The following EBF1 variants were observed in gnomAD, a reference collection of about 807,000 sequenced individuals.
EBF1 encodes EBF transcription factor 1, also known as transcription factor COE1.
EBF1 carries 10 observed loss-of-function variants against 68.4 expected under a neutral mutation model. The ratio of observed to expected loss-of-function variants is 0.15; its 90% CI spans 0.09 to 0.25. The LOEUF is 0.25. Ranked by LOEUF, EBF1 falls within the 10% of genes least tolerant of loss-of-function variation. EBF1 has a pLI of 1.00. For missense variants in EBF1, 509 were observed against 794.4 expected (o/e 0.64, Z 4.32); for synonymous variants, 298 against 299.8 (o/e 0.99, Z 0.06).
At chr5:158,768,275 C>T (rs1773172952) in intron 10 of EBF1, among the ~76,000 whole-genome samples, 5 of 151,952 alleles carry the variant, frequency 3.3e-5, no homozygotes, top group Admixed American at 3.3e-4. Context: ...TGATATATCT[C>T]AGTATAAGGT....
chr5:158,889,802 G>A (rs1800803923), intron 6 of EBF1, among the ~76,000 whole-genome samples: 1 of 152,056 alleles, frequency 6.6e-6, no homozygotes, highest in South Asian at 2.1e-4. Context: ...CCTTATCTAT[G>A]GGGTTTCACA....
chr5:158,723,702 G>T (rs1341685721), intron 11 of EBF1, among the ~76,000 whole-genome samples: 1 of 152,078 alleles, frequency 6.6e-6, no homozygotes, highest in Non-Finnish European at 1.5e-5. Context: ...GCTTGAGAAG[G>T]TTACTTGTCC....
intron 4 of EBF1, 115 bp downstream of exon 4, chr5:159,095,505 C>G (rs1367945014): frequency 1.6e-6 from 2 of 1,237,126 alleles, no homozygotes; most frequent in East Asian, 4.8e-5. Flanking sequence ...CTGAGCCGCC[C>G]CCGCTGGCTT....
intron 3 of EBF1, 29 bp from the exon 4 acceptor site, chr5:159,095,704 G>C (rs1218631138): frequency 1.2e-6 from 2 of 1,612,424 alleles, no homozygotes; most frequent in East Asian, 2.2e-5. Flanking sequence ...GAAGGGAGGA[G>C]AATTAAGTGA....
chr5:159,049,836 G>C (rs1773176290), intron 6 of EBF1, among the ~76,000 whole-genome samples: 1 of 152,120 alleles, frequency 6.6e-6, no homozygotes, highest in Non-Finnish European at 1.5e-5. Context: ...TCTTGGGAGG[G>C]GTGCTTATCT....
chr5:158,723,477 A>G (rs1762356207), intron 11 of EBF1, among the ~76,000 whole-genome samples: 1 of 152,198 alleles, frequency 6.6e-6, no homozygotes, highest in Non-Finnish European at 1.5e-5. Context: ...GTTAGTGCTT[A>G]TCAGGCAATA....
chr5:159,082,053 G>T (rs761262804), intron 5 of EBF1, among the ~76,000 whole-genome samples: 7 of 151,872 alleles, frequency 4.6e-5, no homozygotes, highest in Non-Finnish European at 8.8e-5. Context: ...CAGGCAGTGG[G>T]GTCACCTTTC....
At chr5:158,790,244 C>A (rs1036257130) in intron 9 of EBF1, among the ~76,000 whole-genome samples, 4 of 152,186 alleles carry the variant, frequency 2.6e-5, no homozygotes, top group African/African-American at 9.7e-5. Flanking sequence ...GCATCTAATG[C>A]CAAGTGTGTA....
At chr5:158,783,171 C>G (rs979131121) in intron 9 of EBF1, among the ~76,000 whole-genome samples, 2 of 152,062 alleles carry the variant, frequency 1.3e-5, no homozygotes, top group African/African-American at 2.4e-5. Context: ...GTATGTATTT[C>G]TGTGTGTGTA....
intron 6 of EBF1, among the ~76,000 whole-genome samples, chr5:159,029,504 A>T (rs560322029): frequency 6.6e-6 from 1 of 152,358 alleles, no homozygotes; most frequent in South Asian, 2.1e-4. Flanking sequence ...TGATTATGAA[A>T]GGGGAAGAAT....
intron 3 of EBF1, 106 bp downstream of exon 3, chr5:159,096,237 G>A (rs1782583175): frequency 4.1e-6 from 5 of 1,222,714 alleles, no homozygotes; most frequent in Non-Finnish European, 5.7e-6. Flanking sequence ...CAAATAAAGC[G>A]GATGACTGAC....
At chr5:158,858,707 C>T (rs898764702) in intron 6 of EBF1, among the ~76,000 whole-genome samples, 1 of 152,126 alleles carries the variant, frequency 6.6e-6, no homozygotes, top group Non-Finnish European at 1.5e-5. Flanking sequence ...AAAACAAGGT[C>T]CCCTTTTTCT....
intron 6 of EBF1, among the ~76,000 whole-genome samples, chr5:159,016,540 A>T (rs917268363): frequency 6.6e-6 from 1 of 152,184 alleles, no homozygotes. Flanking sequence ...TTTTTCATCT[A>T]ATAGAAAATA....
chr5:158,880,954 G>T lies in EBF1; in HGVS notation c.555-40844C>A, dbSNP rs375767329. Among the ~76,000 whole-genome samples the T allele has an allele frequency of 3.3e-5, 5 of 152,252 alleles. No individual in the cohort carries two copies. In the East Asian group the frequency reaches 9.7e-4, roughly 29 times the overall value. Reference sequence around the variant, plus strand: ...AAAATAAAGAGCAGGAATGTTTTCTGCATGAACCTCACTTCTGCTGGCAAT... The same window carrying T: ...AAAATAAAGAGCAGGAATGTTTTCTTCATGAACCTCACTTCTGCTGGCAAT... On this transcript the variant is annotated intron_variant, in intron 6 of 15. Transcript: ENST00000313708.
intron 8 of EBF1, among the ~76,000 whole-genome samples, chr5:158,817,174 C>T (rs1292079961): frequency 6.6e-6 from 1 of 152,200 alleles, no homozygotes; most frequent in Non-Finnish European, 1.5e-5. Flanking sequence ...GGAGCCCTCT[C>T]AGTCTCCTTT....
chr5:158,709,339 T>C (rs1019408482), intron 14 of EBF1, among the ~76,000 whole-genome samples: 8 of 152,256 alleles, frequency 5.3e-5, no homozygotes, highest in African/African-American at 1.9e-4. Context: ...TTTTTTTTTT[T>C]TACAACCGAG....
chr5:158,744,161 A>C (rs1054377183), intron 10 of EBF1, among the ~76,000 whole-genome samples: 3 of 152,120 alleles, frequency 2.0e-5, no homozygotes, highest in Admixed American at 1.3e-4. Flanking sequence ...CAAAAAAAAA[A>C]CCAGAAGCTT....
chr5:159,044,899 A>C (rs944779368), intron 6 of EBF1, among the ~76,000 whole-genome samples: 3 of 152,190 alleles, frequency 2.0e-5, no homozygotes, highest in African/African-American at 4.8e-5. Context: ...ATTTCTATAA[A>C]CAAAACCACA....
intron 6 of EBF1, among the ~76,000 whole-genome samples, chr5:158,970,502 G>T (rs1180215180): frequency 6.6e-6 from 1 of 152,132 alleles, no homozygotes; most frequent in African/African-American, 2.4e-5. Context: ...AAGGTCACTG[G>T]CACACTCCTT....
Sources: allele counts gnomAD v4.1 joint callset (sites outside exome capture counted in the v4.1 genomes callset), GRCh38; gene constraint gnomAD v4.1.1; transcripts MANE v1.5; gene names NCBI Gene and HGNC (gene_info 2026-07-23, HGNC 2026-07-21).